Variants in ZNF536 observed in about 807,000 individuals in gnomAD.
ZNF536 encodes the protein zinc finger protein 536.
A neutral mutation model predicts 84.5 loss-of-function variants in ZNF536; 13 were observed. That is an observed-to-expected ratio of 0.15 (90% CI 0.10 to 0.24). The LOEUF is 0.24. Among genes scored for constraint, ZNF536 ranks in the 10% least tolerant of loss-of-function variants. ZNF536 has a pLI of 1.00. For missense variants in ZNF536, 1,536 were observed against 1,747.5 expected (o/e 0.88, Z 2.16); for synonymous variants, 811 against 742.5 (o/e 1.09, Z -1.50).
intron 1 of ZNF536, among the ~76,000 whole-genome samples, chr19:30,437,652 G>A (rs2051812812): frequency 6.6e-6 from 1 of 151,996 alleles, no homozygotes; most frequent in Admixed American, 6.6e-5. Context: ...CTGTGGAGTT[G>A]AGTCCCCAAG....
intron 1 of ZNF536, among the ~76,000 whole-genome samples, chr19:30,609,569 T>A (rs2048015451): frequency 6.6e-6 from 1 of 152,216 alleles, no homozygotes; most frequent in African/African-American, 2.4e-5. Context: ...AAAAGTGTTT[T>A]CTTAGCTGTA....
intron 2 of ZNF536, among the ~76,000 whole-genome samples, chr19:30,533,257 A>G (rs2093434694): frequency 6.6e-6 from 1 of 152,230 alleles, no homozygotes; most frequent in African/African-American, 2.4e-5. Context: ...GTAGTGGCTT[A>G]TGCCTATAAT....
At chr19:30,250,923 G>A (rs1041815551) in intron 1 of ZNF536, among the ~76,000 whole-genome samples, 1 of 151,360 alleles carries the variant, frequency 6.6e-6, no homozygotes, top group African/African-American at 2.4e-5. Context: ...TTAAAAAGTG[G>A]TATTATTGCT....
chr19:30,246,214 C>T (rs2024265521), intron 1 of ZNF536, among the ~76,000 whole-genome samples: 1 of 152,140 alleles, frequency 6.6e-6, no homozygotes, highest in South Asian at 2.1e-4. Context: ...CCAGTGACTC[C>T]TGTCTTGGGG....
At chr19:30,677,225 A>G (rs1039802259) in intron 1 of ZNF536, among the ~76,000 whole-genome samples, 2 of 151,972 alleles carry the variant, frequency 1.3e-5, no homozygotes, top group African/African-American at 4.8e-5. Context: ...TGCTCGGGAG[A>G]GGTTTTGGCT....
intron 1 of ZNF536, among the ~76,000 whole-genome samples, chr19:30,437,549 C>A (rs2051807400): frequency 6.6e-6 from 1 of 152,070 alleles, no homozygotes; most frequent in Non-Finnish European, 1.5e-5. Context: ...GGGGCCCCTG[C>A]CTGTGTTTAG....
At chr19:30,485,856 C>G (rs540597584) in intron 2 of ZNF536, among the ~76,000 whole-genome samples, 32 of 152,060 alleles carry the variant, frequency 2.1e-4, no homozygotes, top group African/African-American at 5.3e-4. Flanking sequence ...TGGGATACCT[C>G]ATTAGCAAAA....
chr19:30,289,684 T>C (rs1180516054), intron 2 of ZNF536, among the ~76,000 whole-genome samples: 1 of 152,188 alleles, frequency 6.6e-6, no homozygotes, highest in East Asian at 1.9e-4. Flanking sequence ...AATTGGAATT[T>C]TCTTCAGTCG....
chr19:30,615,188 G>T (rs187023595), intron 1 of ZNF536, among the ~76,000 whole-genome samples: 1 of 149,208 alleles, frequency 6.7e-6, no homozygotes, highest in Non-Finnish European at 1.5e-5. Context: ...CTCGTGATCC[G>T]CCCGTCTCGG....
At chr19:30,647,447 C>T (rs8105220) in intron 1 of ZNF536, among the ~76,000 whole-genome samples, 6,539 of 152,258 alleles carry the variant, frequency 0.043, 470 homozygotes, top group African/African-American at 0.15. Flanking sequence ...CATCTGCTCC[C>T]GGAGTTATCA....
At chr19:30,589,167 G>C (rs997258732) in intron 1 of ZNF536, among the ~76,000 whole-genome samples, 4 of 152,148 alleles carry the variant, frequency 2.6e-5, no homozygotes, top group Admixed American at 1.3e-4. Flanking sequence ...GCTTGGGAGG[G>C]CTCTTTGCAT....
At chr19:30,292,673 G>GA (rs374798749) in intron 2 of ZNF536, among the ~76,000 whole-genome samples, 110 of 149,572 alleles carry the variant, frequency 7.4e-4, no homozygotes, top group Non-Finnish European at 1.4e-3. Flanking sequence ...TCCTAGTTGA[G>GA]AAAAAAAAAA....
At position 30,505,279 on chromosome 19, in the gene ZNF536, A is replaced by ACATTACATATAATACATAATACAATAC. The variant is rs1279316675; in HGVS notation, c.2171-29568_2171-29567insCATTACATATAATACATAATACAATAC. On this transcript the variant is annotated intron_variant, in intron 2 of 4. Coordinates refer to ENST00000355537, the MANE Select transcript of ZNF536 (RefSeq NM_014717.3). ...TATAATACATTACATATTATATACT[A>ACATTACATATAATACATAATACAATAC]ATAAATATTCTATAAATATATGTTA... 4.1e-5 allele frequency among the ~76,000 whole-genome samples: 6 copies of ACATTACATATAATACATAATACAATAC among 147,718 alleles called. 1 individual carries two copies. Among genetic ancestry groups the ACATTACATATAATACATAATACAATAC allele is most frequent in the African/African-American group, 1.5e-4 (6 of 40,798 alleles).
chr19:30,272,362 T>C (rs2025900005), intron 1 of ZNF536, among the ~76,000 whole-genome samples: 1 of 152,242 alleles, frequency 6.6e-6, no homozygotes, highest in African/African-American at 2.4e-5. Flanking sequence ...ACCTTTCCTC[T>C]GCTATTAAAT....
chr19:30,530,193 A>G (rs563443675), intron 2 of ZNF536, among the ~76,000 whole-genome samples: 1 of 152,358 alleles, frequency 6.6e-6, no homozygotes, highest in East Asian at 1.9e-4. Context: ...CATTAGAGAA[A>G]GTGTCACATA....
intron 1 of ZNF536, among the ~76,000 whole-genome samples, chr19:30,628,261 C>T (rs2048758856): frequency 1.3e-5 from 2 of 152,188 alleles, no homozygotes; most frequent in Admixed American, 1.3e-4. Context: ...CAGTCACAGC[C>T]GCCTGCTACG....
chr19:30,396,223 C>T (rs2049810390), intron 1 of ZNF536, among the ~76,000 whole-genome samples: 1 of 152,168 alleles, frequency 6.6e-6, no homozygotes, highest in South Asian at 2.1e-4. Context: ...TGATTGGTAC[C>T]TCTCTCCATC....
At chr19:30,303,966 A>G (rs1186819319) in intron 2 of ZNF536, among the ~76,000 whole-genome samples, 1 of 152,148 alleles carries the variant, frequency 6.6e-6, no homozygotes, top group Non-Finnish European at 1.5e-5. Context: ...CAGGGAGTTA[A>G]CACCTCTGGA....
chr19:30,460,139 T>C (rs1297085728), intron 2 of ZNF536, among the ~76,000 whole-genome samples: 2 of 152,176 alleles, frequency 1.3e-5, no homozygotes, highest in African/African-American at 2.4e-5. Flanking sequence ...TGCATCCTAC[T>C]AGGTGTTTTT....
Sources: gnomAD v4.1 joint callset for allele counts (sites outside exome capture counted in the v4.1 genomes callset) on GRCh38, gnomAD v4.1.1 for gene constraint, MANE v1.5 for transcripts, NCBI Gene and HGNC (gene_info 2026-07-23, HGNC 2026-07-21) for gene names.